The following FHIP1A variants were observed in gnomAD, a reference collection of about 807,000 sequenced individuals.
FHIP1A encodes the protein FHF complex subunit HOOK interacting protein 1A.
In FHIP1A, 61 loss-of-function variants were observed where a neutral mutation model predicts 88.6. That is an observed-to-expected ratio of 0.69 (90% CI 0.56 to 0.85). The LOEUF (loss-of-function observed/expected upper bound fraction) is 0.85, where lower values mean the gene tolerates loss of function less well. Ranked by LOEUF, FHIP1A falls within the 40% of genes least tolerant of loss-of-function variation. The pLI is 0.00. For missense variants in FHIP1A, 1,154 were observed against 1,273.5 expected, an observed-to-expected ratio of 0.91 and a Z score of 1.43; for synonymous variants, 478 against 496.0, an observed-to-expected ratio of 0.96 and a Z score of 0.48.
intron 3 of FHIP1A, among the ~76,000 whole-genome samples, chr4:151,509,520 G>T (rs746049629): frequency 6.6e-6 from 1 of 152,128 alleles, no homozygotes; most frequent in Non-Finnish European, 1.5e-5. Context: ...TACATTAGCA[G>T]ATATGACTTC....
chr4:151,638,892 G>A (rs1268829630), intron 9 of FHIP1A, 136 bp downstream of exon 9: 2 of 436,892 alleles, frequency 4.6e-6, no homozygotes, highest in East Asian at 7.0e-5. Context: ...AGCATCTAAG[G>A]AAGAAAATTA....
intron 1 of FHIP1A, among the ~76,000 whole-genome samples, chr4:151,422,369 GAA>G (rs557893110): frequency 2.1e-5 from 3 of 142,954 alleles, no homozygotes; most frequent in African/African-American, 7.6e-5. Context: ...TGCCTCCTTT[GAA>G]AAAAAAAAAT....
chr4:151,489,501 A>C (rs1178763026), intron 3 of FHIP1A, among the ~76,000 whole-genome samples: 1 of 152,152 alleles, frequency 6.6e-6, no homozygotes, highest in Non-Finnish European at 1.5e-5. Context: ...CAGAAGCTAC[A>C]GCCAAAGGTG....
At chr4:151,629,625 G>C in intron 7 of FHIP1A, 77 bp from the exon 8 acceptor site, 2 of 1,348,450 alleles carry the variant, frequency 1.5e-6, no homozygotes, top group South Asian at 2.7e-5. Flanking sequence ...CTGTGGTGAG[G>C]CTGGGGGCCA....
intron 2 of FHIP1A, among the ~76,000 whole-genome samples, chr4:151,479,443 G>A (rs533797735): frequency 6.6e-6 from 1 of 152,170 alleles, no homozygotes; most frequent in East Asian, 1.9e-4. Flanking sequence ...TACTATGGGA[G>A]ATTCCACATG....
At chr4:151,560,673 T>A (rs1329860950) in intron 3 of FHIP1A, among the ~76,000 whole-genome samples, 1 of 152,116 alleles carries the variant, frequency 6.6e-6, no homozygotes, top group Non-Finnish European at 1.5e-5. Context: ...AAGAGTACAG[T>A]GATCAGTTGG....
At chr4:151,625,613 A>G (rs1364328413) in intron 7 of FHIP1A, among the ~76,000 whole-genome samples, 2 of 152,174 alleles carry the variant, frequency 1.3e-5, no homozygotes, top group African/African-American at 4.8e-5. Context: ...AGTTGTGGGC[A>G]TGATGGCTGG....
intron 10 of FHIP1A, among the ~76,000 whole-genome samples, chr4:151,649,068 T>C (rs1270389663): frequency 6.6e-6 from 1 of 152,160 alleles, no homozygotes; most frequent in Non-Finnish European, 1.5e-5. Flanking sequence ...CCTTCCGCTT[T>C]AGATTCAAAG....
chr4:151,440,660 A>G (rs1042844341), intron 1 of FHIP1A, among the ~76,000 whole-genome samples: 1 of 152,122 alleles, frequency 6.6e-6, no homozygotes, highest in South Asian at 2.1e-4. Flanking sequence ...GTAGCAGTAC[A>G]GTGTCACACA....
At chr4:151,477,520 C>T (rs79963813) in intron 2 of FHIP1A, among the ~76,000 whole-genome samples, 9,793 of 152,070 alleles carry the variant, frequency 0.064, 449 homozygotes, top group Non-Finnish European at 0.1. Flanking sequence ...TATTTGATTA[C>T]ATTTTTTAAA....
chr4:151,482,974 T>C (rs1729953418), intron 3 of FHIP1A, among the ~76,000 whole-genome samples: 1 of 152,110 alleles, frequency 6.6e-6, no homozygotes, highest in African/African-American at 2.4e-5. Flanking sequence ...TACCTGGGGT[T>C]CTCTAATTTT....
chr4:151,542,547 A>G (rs959532574), intron 3 of FHIP1A, among the ~76,000 whole-genome samples: 1 of 152,044 alleles, frequency 6.6e-6, no homozygotes, highest in South Asian at 2.1e-4. Context: ...CCTCATGCCA[A>G]CTTATCCCAT....
At chr4:151,511,430 G>C (rs1030619262) in intron 3 of FHIP1A, among the ~76,000 whole-genome samples, 2 of 152,192 alleles carry the variant, frequency 1.3e-5, no homozygotes, top group Non-Finnish European at 2.9e-5. Context: ...CCAGACAGTG[G>C]GCGCAGGACA....
At chr4:151,601,642 A>G (rs566088596) in intron 7 of FHIP1A, among the ~76,000 whole-genome samples, 7 of 150,480 alleles carry the variant, frequency 4.7e-5, no homozygotes, top group African/African-American at 1.7e-4. Flanking sequence ...ATAGGTAGCC[A>G]TCACCAAATC....
chr4:151,623,483 G>A (rs976695885), intron 7 of FHIP1A, among the ~76,000 whole-genome samples: 1 of 112,328 alleles, frequency 8.9e-6, no homozygotes, highest in Non-Finnish European at 1.8e-5. Context: ...GGCAAATTTT[G>A]TTCTTTTGCC....
At chr4:151,541,636 T>C (rs1732295674) in intron 3 of FHIP1A, among the ~76,000 whole-genome samples, 1 of 152,220 alleles carries the variant, frequency 6.6e-6, no homozygotes, top group African/African-American at 2.4e-5. Flanking sequence ...GCACACTGTT[T>C]TCCTCAGTTC....
At chr4:151,440,371 T>C (rs926810781) in intron 1 of FHIP1A, among the ~76,000 whole-genome samples, 9 of 152,164 alleles carry the variant, frequency 5.9e-5, no homozygotes, top group Non-Finnish European at 1.3e-4. Flanking sequence ...GCCTGACACA[T>C]AGTAGGTGCC....
chr4:151,455,135 G>A (rs1728923653), intron 2 of FHIP1A, among the ~76,000 whole-genome samples: 1 of 152,110 alleles, frequency 6.6e-6, no homozygotes, highest in Non-Finnish European at 1.5e-5. Flanking sequence ...ACCAACAGTA[G>A]CATCATGAGG....
At chr4:151,412,616 C>G in intron 1 of FHIP1A, among the ~76,000 whole-genome samples, 1 of 126,664 alleles carries the variant, frequency 7.9e-6, no homozygotes, top group African/African-American at 3.0e-5. Context: ...TCCTTCCTCC[C>G]TCCCTCCCTC....
Sources: allele counts gnomAD v4.1 joint callset (sites outside exome capture counted in the v4.1 genomes callset), GRCh38; gene constraint gnomAD v4.1.1; transcripts MANE v1.5; gene names NCBI Gene and HGNC (gene_info 2026-07-23, HGNC 2026-07-21).